STARD8: variants seen among roughly 807,000 people sequenced by gnomAD.
The protein encoded by STARD8 is stAR-related lipid transfer protein 8.
Under a neutral mutation model 69.4 loss-of-function variants are expected in STARD8, and 25 were observed. That is an observed-to-expected ratio of 0.36 (90% CI 0.26 to 0.50). The LOEUF (loss-of-function observed/expected upper bound fraction) is 0.50. Among genes scored for constraint, STARD8 ranks in the 20% least tolerant of loss-of-function variants. STARD8 has a pLI of 0.96. For missense variants in STARD8, 921 were observed against 932.5 expected, an observed-to-expected ratio of 0.99 and a Z score of 0.16; for synonymous variants, 389 against 374.6, an observed-to-expected ratio of 1.04 and a Z score of -0.45.
intron 8 of STARD8, 21 bp downstream of exon 8, chrX:68,720,444 C>T (rs1197285801): frequency 8.7e-7 from 1 of 1,150,956 alleles, no homozygotes; most frequent in African/African-American, 1.8e-5. Context: ...GTGGGGCAGC[C>T]TGCCGGGAGA....
intron 2 of STARD8, among the ~76,000 whole-genome samples, chrX:68,701,645 G>A (rs1303002760): frequency 8.9e-6 from 1 of 112,141 alleles, no homozygotes; most frequent in Admixed American, 9.4e-5. Flanking sequence ...GGGTGGGGAG[G>A]GAGTGCAGGA....
chrX:68,690,133 G>T (rs1397297462), intron 2 of STARD8, among the ~76,000 whole-genome samples: 2 of 110,104 alleles, frequency 1.8e-5, no homozygotes, highest in African/African-American at 3.3e-5. Context: ...AGCAGGCTTC[G>T]TTGAGGCATG....
chrX:68,720,496 T>C, intron 8 of STARD8, 73 bp downstream of exon 8: 1 of 1,073,599 alleles, frequency 9.3e-7, no homozygotes, highest in East Asian at 3.4e-5. Flanking sequence ...GGCTGAAGGC[T>C]GAGGAGCTGG....
At chrX:68,721,405 C>T in intron 9 of STARD8, 131 bp from the exon 10 acceptor site, 1 of 693,009 alleles carries the variant, frequency 1.4e-6, no homozygotes, top group East Asian at 3.4e-5. Flanking sequence ...CCTCACAGAA[C>T]TGACATTTTC....
rs1417554678 is a variant in STARD8 at position 68,718,561 on chromosome X, A to G, written c.1647A>G (p.Gly549=). 2.5e-6 allele frequency: 3 copies of G among 1,209,747 alleles called. No individual in the cohort carries two copies. The highest frequency in any genetic ancestry group is 3.4e-6 in the Non-Finnish European group (3 of 895,005). Residue 549 remains glycine, a synonymous_variant, in exon 6 of 15, where the codon GGA becomes GGG. Coordinates refer to ENST00000374599, the MANE Select transcript of STARD8 (RefSeq NM_001142503.3). ...CTGAGGCTGCGGGGCCCCTGGCTGG[A>G]CTCCAGGCATCAATGCCCCGTGAAC... ...NEAEAAGPLA[G]LQASMPRERR...
rs55927581 is a variant in STARD8 at position 68,718,427 on chromosome X, G to A, written c.1513G>A (p.Gly505Arg). ...CAGTGAGCAGGAGGCACATTCAGGC[G>A]GGGAACCCACCTTTGCCTCTAGCCT... ...QDSEQEAHSG[G>R]EPTFASSLSV... is the part of the protein sequence containing the mutation. Residue 505 changes from glycine to arginine, a missense_variant, in exon 6 of 15, where the codon GGG becomes AGG. Coordinates refer to ENST00000374599, the MANE Select transcript of STARD8 (RefSeq NM_001142503.3). 33,590 of 1,209,504 alleles carry A rather than the reference G, an allele frequency of 0.028. 385 individuals carry two copies. Among genetic ancestry groups the A allele is most frequent in the Non-Finnish European group, 0.033 (29,629 of 894,724 alleles).
At position 68,722,097 on chromosome X, in the gene STARD8, G is replaced by A. The variant is rs779378953; in HGVS notation, c.2510G>A (p.Ser837Asn). The change falls in exon 11 of 15, where the codon AGT (serine) becomes AAT (asparagine). Residue 837 changes from serine to asparagine, a missense_variant. Ser to Asn is a conservative substitution (Grantham distance 46). Transcript: ENST00000374599. ...GGCAGGCCAGGCCCTAGGGACCTGA[G>A]TGACAACATGGCAGCCACCCAGGGC... ...LIGRPGPRDLSDNMAATQGLS... is the reference protein window; with the variant it reads ...LIGRPGPRDLNDNMAATQGLS... 7.8e-4 allele frequency: 940 copies of A among 1,206,180 alleles called. 6 individuals are homozygous for A. The South Asian group carries it at 0.016, about 20-fold the overall frequency.
At chrX:68,652,780 C>A (rs1420681287) in intron 1 of STARD8, among the ~76,000 whole-genome samples, 1 of 82,653 alleles carries the variant, frequency 1.2e-5, no homozygotes, top group Non-Finnish European at 2.4e-5. Context: ...ACACCCCACA[C>A]ACCACACACA....
chrX:68,687,096 A>G (rs1304645527), intron 2 of STARD8, among the ~76,000 whole-genome samples: 1 of 109,248 alleles, frequency 9.2e-6, no homozygotes, highest in Non-Finnish European at 1.9e-5. Context: ...ATTTTTATTT[A>G]TTTATTTATT....
chrX:68,705,675 C>G (rs1043871636), intron 2 of STARD8, among the ~76,000 whole-genome samples: 2 of 112,434 alleles, frequency 1.8e-5, no homozygotes, highest in Non-Finnish European at 3.8e-5. Flanking sequence ...CTCAGGATCT[C>G]GTGCTTCAGA....
rs985858276 is a variant in STARD8 at position 68,724,620 on chromosome X, C to T, written c.*198C>T. The T allele has an allele frequency of 2.0e-5, 8 of 401,585 alleles. No homozygotes were observed. The Admixed American group carries it at 2.2e-4, about 11-fold the overall frequency. The allele number at this position is 401,585 out of a possible 1,213,427, so 33.1% of individuals were successfully genotyped here. A position where few individuals can be genotyped will look rare whatever the true frequency, so the allele number is the denominator to read the frequency against. ...GGAGAAAAAGAGAATTTAGGCAACT[C>T]CACTCCCCCTTCACCCCCAACCCTG... On this transcript the variant is annotated 3_prime_UTR_variant, in exon 15 of 15. Coordinates refer to ENST00000374599, the MANE Select transcript of STARD8 (RefSeq NM_001142503.3).
chrX:68,723,906 G>A, intron 13 of STARD8, 39 bp from the exon 14 acceptor site: 2 of 1,208,718 alleles, frequency 1.7e-6, no homozygotes, highest in South Asian at 1.8e-5. Flanking sequence ...GTGGAAACCA[G>A]CACTAGGAAT....
intron 2 of STARD8, among the ~76,000 whole-genome samples, chrX:68,672,443 C>A (rs2079734175): frequency 8.9e-6 from 1 of 111,946 alleles, no homozygotes; most frequent in Non-Finnish European, 1.9e-5. Context: ...TCCCCAGAAT[C>A]TGTCCTTTCC....
At chrX:68,653,046 TCACACACCA>T (rs2079569647) in intron 1 of STARD8, among the ~76,000 whole-genome samples, 1 of 2,842 alleles carries the variant, frequency 3.5e-4, no homozygotes, top group Non-Finnish European at 5.8e-4. Context: ...CACACACACA[TCACACACCA>T]CACACACCAC....
intron 1 of STARD8, among the ~76,000 whole-genome samples, chrX:68,661,958 C>G (rs1201901713): frequency 4.0e-5 from 3 of 75,661 alleles, no homozygotes; most frequent in Non-Finnish European, 6.8e-5. Context: ...CTCTCTCTCT[C>G]TCTCTCTCTC....
intron 2 of STARD8, among the ~76,000 whole-genome samples, chrX:68,682,411 A>C (rs939330382): frequency 1.8e-5 from 2 of 112,612 alleles, no homozygotes; most frequent in Non-Finnish European, 3.8e-5. Context: ...AGAGAATTCA[A>C]ACCCTTATTG....
chrX:68,716,888 G>C (rs980095734), intron 5 of STARD8, among the ~76,000 whole-genome samples: 6 of 112,527 alleles, frequency 5.3e-5, no homozygotes, highest in African/African-American at 1.6e-4. Flanking sequence ...AGCTTGGGAA[G>C]GTCTGTCACT....
chrX:68,683,644 C>T (rs1168027294), intron 2 of STARD8, among the ~76,000 whole-genome samples: 5 of 112,219 alleles, frequency 4.5e-5, no homozygotes, highest in Non-Finnish European at 7.5e-5. Context: ...AGGATGCATA[C>T]TAGAGTTAAC....
rs1486014335 is a variant in STARD8 at position 68,725,594 on chromosome X, G to A, written c.*1172G>A. 9.4e-6 allele frequency: 1 copy of A among 106,105 alleles called. No homozygotes were observed. The highest frequency in any genetic ancestry group is 3.5e-5 in the African/African-American group (1 of 28,789). 8.7% of individuals were successfully genotyped at this position (106,105 alleles called of 1,213,427 possible). A position where few individuals can be genotyped will look rare whatever the true frequency, so the allele number is the denominator to read the frequency against. On this transcript the variant is annotated 3_prime_UTR_variant, in exon 15 of 15. Coordinates refer to ENST00000374599, the MANE Select transcript of STARD8 (RefSeq NM_001142503.3). ...TATATATATATGTGTGTGTGTGTGT[G>A]TGTGTATATGTGTTTATAGAGATAC...
Sources: allele counts gnomAD v4.1 joint callset (sites outside exome capture counted in the v4.1 genomes callset), GRCh38; gene constraint gnomAD v4.1.1; transcripts MANE v1.5; gene names NCBI Gene and HGNC (gene_info 2026-07-23, HGNC 2026-07-21).